The following GARNL3 variants were observed in gnomAD, a reference collection of about 807,000 sequenced individuals.
The protein encoded by GARNL3 is GTPase activating Rap/RanGAP domain like 3, also known as GTPase-activating Rap/Ran-GAP domain-like protein 3.
A neutral mutation model predicts 125.0 loss-of-function variants in GARNL3; 63 were observed. The observed-to-expected ratio is 0.50, with a 90% CI of 0.41 to 0.62. GARNL3 has a LOEUF of 0.62. Ranked by LOEUF, GARNL3 falls within the 20% of genes least tolerant of loss-of-function variation. GARNL3 has a pLI of 0.00. For synonymous variants in GARNL3, 439 were observed against 457.5 expected (o/e 0.96, Z 0.52); for missense variants, 994 against 1,244.0 (o/e 0.80, Z 3.02).
chr9:127,248,544 A>G (rs935098232), intron 2 of GARNL3, among the ~76,000 whole-genome samples: 1 of 150,696 alleles, frequency 6.6e-6, no homozygotes, highest in Non-Finnish European at 1.5e-5. Flanking sequence ...TTGTTTGTCA[A>G]TGAAACACTG....
intron 2 of GARNL3, among the ~76,000 whole-genome samples, chr9:127,256,890 C>T (rs1444725676): frequency 6.6e-6 from 1 of 152,188 alleles, no homozygotes; most frequent in African/African-American, 2.4e-5. Context: ...GTGTAGGTTC[C>T]TGTATTTACC....
chr9:127,354,118 G>T (rs10987605), intron 18 of GARNL3, among the ~76,000 whole-genome samples, 174 bp downstream of exon 18: 3 of 152,026 alleles, frequency 2.0e-5, no homozygotes, highest in Non-Finnish European at 2.9e-5. Context: ...GAGGGAAGCC[G>T]TTGGGGGAAA....
intron 2 of GARNL3, among the ~76,000 whole-genome samples, chr9:127,257,097 A>G (rs537299188): frequency 6.6e-6 from 1 of 152,362 alleles, no homozygotes; most frequent in African/African-American, 2.4e-5. Flanking sequence ...TGTTGGATAC[A>G]TTAGTAGTTT....
chr9:127,326,779 T>C (rs1257358091), intron 7 of GARNL3, among the ~76,000 whole-genome samples: 1 of 152,106 alleles, frequency 6.6e-6, no homozygotes, highest in African/African-American at 2.4e-5. Context: ...CCCTTGTGAA[T>C]GGGATTAGTG....
chr9:127,284,314 T>A (rs2064184089), intron 1 of GARNL3, among the ~76,000 whole-genome samples: 1 of 152,244 alleles, frequency 6.6e-6, no homozygotes, highest in African/African-American at 2.4e-5. Flanking sequence ...TCATATAGAA[T>A]GAATGAATAT....
chr9:127,266,839 TGGGGGAGATAACATG>T lies in GARNL3; in HGVS notation c.144+1821_144+1835del, dbSNP rs1379269693. Among the ~76,000 whole-genome samples, 1 of 152,160 alleles carries T rather than the reference TGGGGGAGATAACATG, an allele frequency of 6.6e-6. No homozygotes were observed. Among genetic ancestry groups the T allele is most frequent in the Non-Finnish European group, 1.5e-5 (1 of 68,022 alleles). ...GCTTTTAAACAGTGACAACATTACT[TGGGGGAGATAACATG>T]GGTGTGAAAGATGGACTCTTTAAAG... On this transcript the variant is annotated intron_variant, in intron 1 of 27. Coordinates refer to ENST00000373387, the MANE Select transcript of GARNL3 (RefSeq NM_032293.5). The surrounding 1 kb of genome is among the most constrained non-coding windows in gnomAD (Gnocchi z 4.0).
In GARNL3 at chr9:127,331,720, C is replaced by CTTGCTTTTTTTTTTTTTTTTTTTTTT. The variant is rs367597623; in HGVS notation, c.595-552_595-551insGCTTTTTTTTTTTTTTTTTTTTTTTT. Among the ~76,000 whole-genome samples, 7 of 74,416 alleles carry CTTGCTTTTTTTTTTTTTTTTTTTTTT rather than the reference C, an allele frequency of 9.4e-5. 1 individual carries two copies. The highest frequency in any genetic ancestry group is 3.3e-4 in the African/African-American group (7 of 20,904). The allele number at this position is 74,416 out of a possible 152,430, so 48.8% of individuals were successfully genotyped here. ...CTACTGCTTGCTTGGCTTGGGCTTG[C>CTTGCTTTTTTTTTTTTTTTTTTTTTT]TTTTTTTTTTTTTTTCACATCTGTT... is the stretch of plus-strand genomic sequence containing the variant. On this transcript the variant is annotated intron_variant, in intron 7 of 27. Coordinates refer to ENST00000373387, the MANE Select transcript of GARNL3 (RefSeq NM_032293.5).
At chr9:127,391,185 T>C (rs1238015691) in intron 27 of GARNL3, among the ~76,000 whole-genome samples, 1 of 151,696 alleles carries the variant, frequency 6.6e-6, no homozygotes, top group Non-Finnish European at 1.5e-5. Context: ...CTTGGGAGGT[T>C]GAGGCAGAAG....
upstream of GARNL3, chr9:127,264,207 A>AT (rs1224617128): frequency 7.9e-6 from 3 of 381,772 alleles, no homozygotes; most frequent in Non-Finnish European, 1.4e-5. Context: ...AACTAATAAG[A>AT]TTTGTGCCTT....
intron 1 of GARNL3, among the ~76,000 whole-genome samples, chr9:127,268,684 A>G (rs1396986548): frequency 6.6e-6 from 1 of 152,210 alleles, no homozygotes; most frequent in Non-Finnish European, 1.5e-5. Context: ...GTTTTCCGTC[A>G]TCCCAAAATG....
intron 19 of GARNL3, among the ~76,000 whole-genome samples, chr9:127,354,826 C>G (rs1262995816): frequency 6.6e-6 from 1 of 152,166 alleles, no homozygotes; most frequent in Non-Finnish European, 1.5e-5. Context: ...GAGTCTCACT[C>G]TTGTTGCCCA....
rs180715970 is a variant in GARNL3, at chr9:127,286,467, A to G, written c.145-4701A>G. Among the ~76,000 whole-genome samples the G allele has an allele frequency of 2.2e-4, 34 of 152,302 alleles. No individual in the cohort carries two copies. The East Asian group carries it at 6.4e-3, about 29-fold the overall frequency. On this transcript the variant is annotated intron_variant, in intron 1 of 27. Transcript: ENST00000373387. ...CCAAGGACCACTTTCGTAACACCCC[A>G]GTCCATTCTTTACAGTTTTTCCCAG...
Position 127,313,425 on chromosome 9 carries a change from A to T in GARNL3, c.320-16A>T. 3 of 1,581,702 alleles carry T rather than the reference A, an allele frequency of 1.9e-6. No individual in the cohort carries two copies. The highest frequency in any genetic ancestry group is 2.6e-6 in the Non-Finnish European group (3 of 1,150,552). ...GATCAGTTGCATTCTCACTGTTCTAAACCTTTCTTTTCCAGTCCATCAGAA... is the reference window on the plus strand; with the variant it reads ...GATCAGTTGCATTCTCACTGTTCTATACCTTTCTTTTCCAGTCCATCAGAA... On this transcript the variant is annotated splice_polypyrimidine_tract_variant and intron_variant, in intron 3 of 27. Transcript: ENST00000373387.
chr9:127,330,693 G>A (rs1182165599), intron 7 of GARNL3, among the ~76,000 whole-genome samples: 1 of 151,346 alleles, frequency 6.6e-6, no homozygotes. Context: ...AGGAAGGAGG[G>A]TGGCTTTATA....
Position 127,384,679 on chromosome 9 carries a change from G to T in GARNL3, c.2270-348G>T, listed in dbSNP as rs1832447989. ...GATGGCCTGGGCCTGCAGACAGAATGTCAGGCTGGCGTCTGAACAACAGAA... is the reference window on the plus strand; with the variant it reads ...GATGGCCTGGGCCTGCAGACAGAATTTCAGGCTGGCGTCTGAACAACAGAA... On this transcript the variant is annotated intron_variant, in intron 23 of 27. Coordinates refer to ENST00000373387, the MANE Select transcript of GARNL3 (RefSeq NM_032293.5). The surrounding 1 kb of genome is among the most constrained non-coding windows in gnomAD (Gnocchi z 4.0). Among the ~76,000 whole-genome samples, 1 of 152,214 alleles carries T rather than the reference G, an allele frequency of 6.6e-6. No individual in the cohort carries two copies. The highest frequency in any genetic ancestry group is 6.5e-5 in the Admixed American group (1 of 15,288).
At chr9:127,380,643 C>T (rs912853405) in intron 22 of GARNL3, among the ~76,000 whole-genome samples, 2 of 152,140 alleles carry the variant, frequency 1.3e-5, no homozygotes, top group African/African-American at 4.8e-5. Context: ...GGGTGAGCCT[C>T]GAAAACATCG....
At chr9:127,230,227 C>T (rs564216751) in intron 1 of GARNL3, among the ~76,000 whole-genome samples, 48 of 152,380 alleles carry the variant, frequency 3.2e-4, no homozygotes, top group African/African-American at 1.1e-3. Context: ...CGTAACCCCT[C>T]TGAACCTTAG....
Position 127,345,466 on chromosome 9 carries a change from T to G in GARNL3, c.1420T>G (p.Cys474Gly). Residue 474 changes from cysteine to glycine, a missense_variant, in exon 16 of 28, where the codon TGT becomes GGT. Cys to Gly is a radical substitution (Grantham distance 159, BLOSUM62 -3). Coordinates refer to ENST00000373387, the MANE Select transcript of GARNL3 (RefSeq NM_032293.5). ...ATCAAGCTTGGCAGCTTCAGGGATC[T>G]GTAAAAAAGAGGTGAGTTCATGATA... The part of the protein sequence containing the change: ...APSSLAASGI[C>G]KKEPWEPQCF... The G allele has an allele frequency of 6.2e-7, 1 of 1,601,152 alleles. No homozygotes were observed. Among genetic ancestry groups the G allele is most frequent in the Non-Finnish European group, 8.5e-7 (1 of 1,172,774 alleles).
intron 22 of GARNL3, among the ~76,000 whole-genome samples, chr9:127,374,565 G>T (rs1041332137): frequency 2.0e-5 from 3 of 152,126 alleles, no homozygotes; most frequent in African/African-American, 7.2e-5. Flanking sequence ...AAATGAAAAG[G>T]CAAGGCACAG....
Sources: allele counts gnomAD v4.1 joint callset (sites outside exome capture counted in the v4.1 genomes callset), GRCh38; gene constraint gnomAD v4.1.1; non-coding constraint Gnocchi (gnomAD v3.1); transcripts MANE v1.5; gene names NCBI Gene and HGNC (gene_info 2026-07-23, HGNC 2026-07-21).